SLC35F1: variants seen among roughly 807,000 people sequenced by gnomAD.
The protein encoded by SLC35F1 is solute carrier family 35 member F1.
In SLC35F1, 14 loss-of-function variants were observed where a neutral mutation model predicts 48.7. The ratio of observed to expected loss-of-function variants is 0.29; its 90% CI spans 0.19 to 0.45. The LOEUF (loss-of-function observed/expected upper bound fraction) is 0.45. Among genes scored for constraint, SLC35F1 ranks in the 20% least tolerant of loss-of-function variants. SLC35F1 has a pLI of 1.00. For missense variants in SLC35F1, 404 were observed against 500.0 expected, an observed-to-expected ratio of 0.81 and a Z score of 1.83; for synonymous variants, 190 against 202.2, an observed-to-expected ratio of 0.94 and a Z score of 0.51.
In SLC35F1 at chr6:117,999,193, G is replaced by A. The variant is rs1047588052; in HGVS notation, c.173+91294G>A. On this transcript the variant is annotated intron_variant, in intron 1 of 7. Coordinates refer to ENST00000360388, the MANE Select transcript of SLC35F1 (RefSeq NM_001029858.4). ...TGAGTGCACGTGCCGAGGCTATCAA[G>A]GCCCTCGTAAAGCCCAAGGAGGTTA... 1.5e-5 allele frequency: 24 copies of A among 1,595,218 alleles called. No homozygotes were observed. The Admixed American group carries it at 3.5e-4, about 23-fold the overall frequency.
chr6:118,221,222 G>A (rs965699516), intron 2 of SLC35F1, among the ~76,000 whole-genome samples: 1 of 152,032 alleles, frequency 6.6e-6, no homozygotes, highest in African/African-American at 2.4e-5. Context: ...CCCAACAAAA[G>A]GTCCTCTATA....
intron 2 of SLC35F1, among the ~76,000 whole-genome samples, chr6:118,232,544 A>G (rs1431294253): frequency 7.6e-6 from 1 of 131,818 alleles, no homozygotes; most frequent in African/African-American, 3.2e-5. Flanking sequence ...GTGAAACTCC[A>G]TCCCAAAAAA....
At position 118,238,935 on chromosome 6, in the gene SLC35F1, C is replaced by T. The variant is rs564625796; in HGVS notation, c.477+3299C>T. Among the ~76,000 whole-genome samples, 26 of 152,022 alleles carry T rather than the reference C, an allele frequency of 1.7e-4. No individual in the cohort carries two copies. The South Asian group carries it at 2.9e-3, about 17-fold the overall frequency. On this transcript the variant is annotated intron_variant, in intron 3 of 7. Transcript: ENST00000360388. ...GAGTCAGGGTGGGATCAACGCCATCCGGTCACATATCTGTCACCCATTAAG... is the reference window on the plus strand; with the variant it reads ...GAGTCAGGGTGGGATCAACGCCATCTGGTCACATATCTGTCACCCATTAAG...
At chr6:118,127,973 A>C (rs1773653037) in intron 1 of SLC35F1, among the ~76,000 whole-genome samples, 1 of 152,184 alleles carries the variant, frequency 6.6e-6, no homozygotes, top group Non-Finnish European at 1.5e-5. Flanking sequence ...GGAAAAAAAC[A>C]AACAACCCCA....
intron 1 of SLC35F1, among the ~76,000 whole-genome samples, chr6:118,059,937 A>G (rs1253375245): frequency 6.6e-6 from 1 of 152,236 alleles, no homozygotes; most frequent in African/African-American, 2.4e-5. Context: ...TAGTGTTTAT[A>G]AAATACGCTT....
chr6:118,085,769 G>T (rs184491030), intron 1 of SLC35F1, among the ~76,000 whole-genome samples: 5 of 152,134 alleles, frequency 3.3e-5, no homozygotes, highest in African/African-American at 1.2e-4. Flanking sequence ...GTTTCTCACC[G>T]TGGAGGAGTT....
chr6:118,026,804 T>A (rs9387541), intron 1 of SLC35F1, among the ~76,000 whole-genome samples: 141,492 of 152,230 alleles, frequency 0.93, 66,577 homozygotes, highest in Non-Finnish European at 1. Flanking sequence ...TTGGTTTTTT[T>A]AAAGTTATGT....
intron 3 of SLC35F1, among the ~76,000 whole-genome samples, chr6:118,255,686 A>G (rs1482594357): frequency 1.3e-5 from 2 of 152,244 alleles, no homozygotes; most frequent in Non-Finnish European, 2.9e-5. Context: ...ACAAGGGGAC[A>G]TATACAATTT....
At chr6:117,924,023 CT>C (rs891988238) in intron 1 of SLC35F1, among the ~76,000 whole-genome samples, 18 of 146,372 alleles carry the variant, frequency 1.2e-4, no homozygotes, top group African/African-American at 4.5e-4. Context: ...ACGTATATAC[CT>C]ATACACACAT....
intron 1 of SLC35F1, among the ~76,000 whole-genome samples, chr6:118,033,658 T>C (rs776386924): frequency 1.3e-5 from 2 of 151,892 alleles, no homozygotes; most frequent in Non-Finnish European, 2.9e-5. Flanking sequence ...GTTATTTCTC[T>C]ATATTGTAAT....
At chr6:118,233,256 C>T (rs764480022) in intron 2 of SLC35F1, among the ~76,000 whole-genome samples, 3 of 152,204 alleles carry the variant, frequency 2.0e-5, no homozygotes, top group Non-Finnish European at 2.9e-5. Flanking sequence ...TGAGCCACCG[C>T]GCCCAGCCAG....
intron 1 of SLC35F1, among the ~76,000 whole-genome samples, chr6:117,982,091 C>A (rs931887519): frequency 6.6e-6 from 1 of 152,156 alleles, no homozygotes; most frequent in Non-Finnish European, 1.5e-5. Flanking sequence ...TTACAACCCC[C>A]AAATCTGTTT....
chr6:118,167,341 C>T (rs1774333711), intron 2 of SLC35F1, among the ~76,000 whole-genome samples: 1 of 152,160 alleles, frequency 6.6e-6, no homozygotes, highest in Non-Finnish European at 1.5e-5. Context: ...AGAAATGCGT[C>T]TTTAGGTGAT....
intron 2 of SLC35F1, among the ~76,000 whole-genome samples, chr6:118,177,663 T>C (rs933944602): frequency 1.3e-5 from 2 of 152,120 alleles, no homozygotes; most frequent in South Asian, 4.1e-4. Flanking sequence ...TGGTTACAAA[T>C]TACAGAAAAT....
intron 1 of SLC35F1, among the ~76,000 whole-genome samples, chr6:118,078,217 G>A (rs1175306194): frequency 6.6e-6 from 1 of 152,096 alleles, no homozygotes; most frequent in Non-Finnish European, 1.5e-5. Context: ...ATAACGTAAG[G>A]CAAAAAGTAC....
At chr6:117,986,883 T>A (rs1776854887) in intron 1 of SLC35F1, among the ~76,000 whole-genome samples, 1 of 152,198 alleles carries the variant, frequency 6.6e-6, no homozygotes, top group African/African-American at 2.4e-5. Flanking sequence ...TTGGGCCTCT[T>A]AGGCTTAGTT....
chr6:117,973,667 C>T (rs1406869509), intron 1 of SLC35F1, among the ~76,000 whole-genome samples: 3 of 151,982 alleles, frequency 2.0e-5, no homozygotes, highest in African/African-American at 7.3e-5. Flanking sequence ...GCTGAAGAGA[C>T]CCTCCTGCCT....
At chr6:118,203,705 C>T (rs557138264) in intron 2 of SLC35F1, among the ~76,000 whole-genome samples, 2 of 152,340 alleles carry the variant, frequency 1.3e-5, no homozygotes, top group African/African-American at 4.8e-5. Flanking sequence ...AAACTGCAAA[C>T]TGTCTGTTAC....
intron 1 of SLC35F1, among the ~76,000 whole-genome samples, chr6:118,129,257 G>A (rs1242854532): frequency 6.6e-6 from 1 of 152,194 alleles, no homozygotes; most frequent in African/African-American, 2.4e-5. Context: ...AGGGTCTTAG[G>A]TGGGGAGATG....
Sources: gnomAD v4.1 joint callset for allele counts (sites outside exome capture counted in the v4.1 genomes callset) on GRCh38, gnomAD v4.1.1 for gene constraint, MANE v1.5 for transcripts, NCBI Gene and HGNC (gene_info 2026-07-23, HGNC 2026-07-21) for gene names.